Variants in AGBL1 observed in about 807,000 individuals in gnomAD.
AGBL1 encodes AGBL carboxypeptidase 1, also known as cytosolic carboxypeptidase 4.
A neutral mutation model predicts 118.9 loss-of-function variants in AGBL1; 130 were observed. The ratio of observed to expected loss-of-function variants is 1.09; its 90% CI spans 0.95 to 1.26. The LOEUF (loss-of-function observed/expected upper bound fraction) is 1.26, where lower values mean the gene tolerates loss of function less well. AGBL1 is among the 50% of genes most tolerant of loss of function. The probability of loss-of-function intolerance (pLI) is 0.00; values close to 1 mark genes in which losing one functional copy is unlikely to be tolerated. For synonymous variants in AGBL1, 555 were observed against 478.9 expected (o/e 1.16, Z -2.08); for missense variants, 1,584 against 1,298.1 (o/e 1.22, Z -3.38).
chr15:86,800,031 C>T (rs2078628363), intron 22 of AGBL1, among the ~76,000 whole-genome samples: 1 of 152,038 alleles, frequency 6.6e-6, no homozygotes, highest in Non-Finnish European at 1.5e-5. Context: ...AGTGGTTTTT[C>T]ATTATTTTTC....
intron 23 of AGBL1, among the ~76,000 whole-genome samples, chr15:86,925,395 C>T (rs2080525698): frequency 6.6e-6 from 1 of 152,108 alleles, no homozygotes. Flanking sequence ...TCCTAACAGA[C>T]ATGGTGTGTA....
chr15:86,237,454 G>T (rs949831526), intron 6 of AGBL1, among the ~76,000 whole-genome samples: 2 of 152,112 alleles, frequency 1.3e-5, no homozygotes, highest in African/African-American at 4.8e-5. Flanking sequence ...ATATCAAGTT[G>T]GGGAGAAAGG....
chr15:86,919,017 C>T (rs1235057022), downstream of AGBL1, among the ~76,000 whole-genome samples: 1 of 152,124 alleles, frequency 6.6e-6, no homozygotes, highest in South Asian at 2.1e-4. Flanking sequence ...CAGAGTACTA[C>T]TTTGAAGGCT....
chr15:87,005,868 T>C (rs961868182), intron 24 of AGBL1, among the ~76,000 whole-genome samples: 1 of 152,140 alleles, frequency 6.6e-6, no homozygotes, highest in Non-Finnish European at 1.5e-5. Flanking sequence ...ACAGATGGGG[T>C]TTTGGTGTGG....
At chr15:86,273,789 G>T (rs1282056339) in intron 15 of AGBL1, among the ~76,000 whole-genome samples, 1 of 152,126 alleles carries the variant, frequency 6.6e-6, no homozygotes, top group Non-Finnish European at 1.5e-5. Flanking sequence ...GGATGCCAGG[G>T]TGCTCACTGT....
intron 22 of AGBL1, among the ~76,000 whole-genome samples, chr15:86,898,006 C>G (rs550424123): frequency 2.0e-5 from 3 of 151,920 alleles, no homozygotes; most frequent in Non-Finnish European, 4.4e-5. Flanking sequence ...CTCCTAGGCC[C>G]AAGTGATCTG....
chr15:86,687,179 A>G (rs1478904508), intron 22 of AGBL1, among the ~76,000 whole-genome samples: 2 of 152,184 alleles, frequency 1.3e-5, no homozygotes, highest in Non-Finnish European at 2.9e-5. Context: ...CTCTGTGGCC[A>G]GTTTACCTTC....
chr15:86,736,263 C>T lies in AGBL1; in HGVS notation c.3158+61827C>T, dbSNP rs564213288. On this transcript the variant is annotated intron_variant, in intron 22 of 22. Transcript: ENST00000614907. ...GGTGCGGTGGTGCATGCCTGTAAGCCCAGCTACTCAGGAGGCTGAGGCAGG... is the reference window on the plus strand; with the variant it reads ...GGTGCGGTGGTGCATGCCTGTAAGCTCAGCTACTCAGGAGGCTGAGGCAGG... Among the ~76,000 whole-genome samples the T allele has an allele frequency of 7.9e-5, 12 of 151,990 alleles. No homozygotes were observed. The South Asian group carries it at 2.5e-3, about 32-fold the overall frequency.
At chr15:86,474,071 C>T (rs2082518421) in intron 18 of AGBL1, among the ~76,000 whole-genome samples, 1 of 152,012 alleles carries the variant, frequency 6.6e-6, no homozygotes, top group African/African-American at 2.4e-5. Context: ...TTGACACACA[C>T]AAAAAATGAG....
intron 21 of AGBL1, among the ~76,000 whole-genome samples, chr15:86,638,452 A>T (rs1030962850): frequency 1.3e-5 from 2 of 152,128 alleles, no homozygotes; most frequent in African/African-American, 4.8e-5. Flanking sequence ...CCATCATATT[A>T]TCACTCTATC....
intron 22 of AGBL1, among the ~76,000 whole-genome samples, chr15:86,708,764 C>G (rs1299657589): frequency 1.3e-5 from 2 of 148,288 alleles, no homozygotes; most frequent in Non-Finnish European, 3.0e-5. Context: ...AAGTGTGTTT[C>G]CTTCATGCTA....
chr15:86,114,313 T>G (rs1197973609), intron 1 of AGBL1, among the ~76,000 whole-genome samples: 1 of 152,240 alleles, frequency 6.6e-6, no homozygotes, highest in Non-Finnish European at 1.5e-5. Flanking sequence ...GCACTCTGCC[T>G]TGGCAAGGAG....
chr15:86,323,152 A>G (rs1373040486), intron 17 of AGBL1, among the ~76,000 whole-genome samples: 2 of 133,018 alleles, frequency 1.5e-5, no homozygotes, highest in African/African-American at 3.0e-5. Flanking sequence ...TTCTTAGGCC[A>G]GCATAGTGAT....
At chr15:86,407,899 AT>A (rs1259378519) in intron 18 of AGBL1, among the ~76,000 whole-genome samples, 1 of 152,092 alleles carries the variant, frequency 6.6e-6, no homozygotes, top group African/African-American at 2.4e-5. Context: ...TGAAATGCAC[AT>A]TCCCTGTATG....
At chr15:86,968,564 G>C (rs138101347) in intron 23 of AGBL1, among the ~76,000 whole-genome samples, 1 of 150,430 alleles carries the variant, frequency 6.6e-6, no homozygotes, top group South Asian at 2.1e-4. Context: ...CTTAGGCCCC[G>C]TGACTACACC....
At chr15:86,365,968 C>T (rs2080881571) in intron 17 of AGBL1, among the ~76,000 whole-genome samples, 4 of 152,202 alleles carry the variant, frequency 2.6e-5, no homozygotes, top group Admixed American at 2.0e-4. Flanking sequence ...TTTTTTTCCT[C>T]CTGAGAAACT....
intron 24 of AGBL1, among the ~76,000 whole-genome samples, chr15:87,026,128 A>C (rs2081723871): frequency 6.6e-6 from 1 of 152,092 alleles, no homozygotes; most frequent in South Asian, 2.1e-4. Context: ...CCCAAACACA[A>C]ATACAATAAT....
At chr15:86,575,736 C>G (rs1246255077) in intron 21 of AGBL1, among the ~76,000 whole-genome samples, 1 of 151,856 alleles carries the variant, frequency 6.6e-6, no homozygotes, top group Non-Finnish European at 1.5e-5. Context: ...CCTACAGGTA[C>G]ACACCACCAC....
intron 16 of AGBL1, among the ~76,000 whole-genome samples, chr15:86,292,699 G>A (rs1419116203): frequency 6.6e-6 from 1 of 152,134 alleles, no homozygotes; most frequent in African/African-American, 2.4e-5. Context: ...GGTTGGGTAA[G>A]GATCACCAAG....
Sources: allele counts gnomAD v4.1 joint callset (sites outside exome capture counted in the v4.1 genomes callset), GRCh38; gene constraint gnomAD v4.1.1; transcripts MANE v1.5; gene names NCBI Gene and HGNC (gene_info 2026-07-23, HGNC 2026-07-21).